The following CCNB1IP1 variants were observed in gnomAD, a reference collection of about 807,000 sequenced individuals.
The protein encoded by CCNB1IP1 is cyclin B1 interacting protein 1.
A neutral mutation model predicts 25.6 loss-of-function variants in CCNB1IP1; 14 were observed. The ratio of observed to expected loss-of-function variants is 0.55; its 90% confidence interval spans 0.36 to 0.85. The LOEUF is 0.85. CCNB1IP1 is among the 40% of genes least tolerant of loss of function. The pLI is 0.01. For missense variants in CCNB1IP1, 278 were observed against 342.4 expected (o/e 0.81, Z 1.48); for synonymous variants, 119 against 116.1 (o/e 1.02, Z -0.16).
chr14:20,314,121 A>T (rs1293928089), intron 5 of CCNB1IP1: 1 of 197,168 alleles, frequency 5.1e-6, no homozygotes, highest in Non-Finnish European at 1.0e-5. Flanking sequence ...TTTTCAAGTA[A>T]TCCAGAGCAT....
At chr14:20,332,962 C>T (rs886096903) in intron 1 of CCNB1IP1, 3 of 152,118 alleles carry the variant, frequency 2.0e-5, no homozygotes, top group African/African-American at 4.8e-5. Flanking sequence ...AAAATGAAGC[C>T]GGCGTTTTCC....
rs538720200 is a variant in CCNB1IP1, at chr14:20,324,374, A to T, written c.-38+1165T>A. Among the ~76,000 whole-genome samples the T allele has an allele frequency of 5.1e-4, 78 of 152,176 alleles. 2 individuals carry two copies. The highest frequency in any genetic ancestry group is 3.9e-3 in the Admixed American group (59 of 15,276). On this transcript the variant is annotated intron_variant, in intron 4 of 6. Coordinates refer to ENST00000358932, the MANE Select transcript of CCNB1IP1 (RefSeq NM_021178.5). Reference sequence around the variant, plus strand: ...GCTAATTTTTGTATTTTTGGTAGAAACGAGGTTTCACCATGTTAGCCAGGC... The same window carrying T: ...GCTAATTTTTGTATTTTTGGTAGAATCGAGGTTTCACCATGTTAGCCAGGC...
chr14:20,332,005 C>CATATATATATATATGATGTGTATACATAT (rs1555314504), intron 1 of CCNB1IP1, among the ~76,000 whole-genome samples: 3 of 66,564 alleles, frequency 4.5e-5, no homozygotes, highest in African/African-American at 2.5e-4. Context: ...GATGTGTATA[C>CATATATATATATATGATGTGTATACATAT]ATATATATAT....
At chr14:20,315,979 TGA>T (rs1882680584) in intron 5 of CCNB1IP1, 4 of 491,552 alleles carry the variant, frequency 8.1e-6, no homozygotes, top group African/African-American at 1.9e-5. Flanking sequence ...AGAGAGTGTG[TGA>T]GTGTGTGTGT....
rs751166136 is a variant in CCNB1IP1, at chr14:20,316,533, G to A, written c.-10C>T. 6 of 1,594,986 alleles carry A rather than the reference G, an allele frequency of 3.8e-6. No individual in the cohort carries two copies. In the African/African-American group the frequency reaches 8.0e-5, roughly 21 times the overall value. ...CTTCACACAAAGACATAATAGGATAGTGAGGTCTCCAGAAGCTGAAGAGAG... is the reference window on the plus strand; with the variant it reads ...CTTCACACAAAGACATAATAGGATAATGAGGTCTCCAGAAGCTGAAGAGAG... On this transcript the variant is annotated 5_prime_UTR_variant, in exon 5 of 7. Transcript: ENST00000358932.
intron 4 of CCNB1IP1, chr14:20,320,408 C>T (rs1460300224): frequency 6.7e-6 from 3 of 444,462 alleles, no homozygotes; most frequent in African/African-American, 2.0e-5. Context: ...TTATATTTAC[C>T]ATGCAAGGGA....
intron 4 of CCNB1IP1, chr14:20,320,153 A>C (rs1882845127): frequency 1.6e-5 from 5 of 306,132 alleles, no homozygotes; most frequent in South Asian, 1.4e-4. Flanking sequence ...GTGTACACAA[A>C]TTTATCAACT....
chr14:20,332,490 A>G (rs747060603), intron 1 of CCNB1IP1, among the ~76,000 whole-genome samples: 11 of 152,196 alleles, frequency 7.2e-5, no homozygotes, highest in Non-Finnish European at 1.0e-4. Context: ...TTTATTACAC[A>G]CCAACTAGAG....
chr14:20,312,856 T>C (rs998089622), intron 6 of CCNB1IP1, among the ~76,000 whole-genome samples: 79 of 151,632 alleles, frequency 5.2e-4, no homozygotes, highest in African/African-American at 1.7e-3. Context: ...ACATAAAACA[T>C]ATTTGCTAAA....
Position 20,313,722 on chromosome 14 carries a change from G to A in CCNB1IP1, c.377C>T (p.Thr126Ile), listed in dbSNP as rs1467326460. The A allele has an allele frequency of 1.2e-6, 2 of 1,613,682 alleles. No individual in the cohort carries two copies. The highest frequency in any genetic ancestry group is 2.7e-5 in the African/African-American group (2 of 74,888). ...GHLKQMEKIY[T>I]QQIQSKDVEL... Reference sequence around the variant, plus strand: ...TACATCCTTGCTTTGTATTTGCTGAGTATATATCTTCTCCATCTGTTTCAG... The same window carrying A: ...TACATCCTTGCTTTGTATTTGCTGAATATATATCTTCTCCATCTGTTTCAG... The change falls in exon 6 of 7, where the codon ACT (threonine) becomes ATT (isoleucine). Residue 126 changes from threonine to isoleucine, a missense_variant. Thr to Ile is a moderately conservative substitution (Grantham distance 89, BLOSUM62 -1). Coordinates refer to ENST00000358932, the MANE Select transcript of CCNB1IP1 (RefSeq NM_021178.5).
At chr14:20,321,085 C>G (rs1039244850) in intron 4 of CCNB1IP1, among the ~76,000 whole-genome samples, 1 of 150,878 alleles carries the variant, frequency 6.6e-6, no homozygotes, top group South Asian at 2.1e-4. Context: ...TGCAGTGAGC[C>G]GAGATCACAC....
At chr14:20,323,917 CAAAAAAAAAA>C (rs59156707) in intron 4 of CCNB1IP1, among the ~76,000 whole-genome samples, 14 of 73,720 alleles carry the variant, frequency 1.9e-4, no homozygotes, top group African/African-American at 7.5e-4. Flanking sequence ...GACTCCGTCT[CAAAAAAAAAA>C]AAAAAAAAAA....
chr14:20,333,031 C>G (rs1291539135), intron 1 of CCNB1IP1: 1 of 152,212 alleles, frequency 6.6e-6, no homozygotes, highest in African/African-American at 2.4e-5. Flanking sequence ...CACCAGGACT[C>G]GGAGACGGAA....
chr14:20,321,273 GTTTAT>G (rs954247282), intron 4 of CCNB1IP1, among the ~76,000 whole-genome samples: 5 of 152,270 alleles, frequency 3.3e-5, no homozygotes, highest in South Asian at 4.1e-4. Context: ...GTAACTTCCT[GTTTAT>G]TTTGATACCT....
intron 4 of CCNB1IP1, among the ~76,000 whole-genome samples, chr14:20,324,361 AT>A (rs1295275021): frequency 6.6e-6 from 1 of 151,926 alleles, no homozygotes; most frequent in Non-Finnish European, 1.5e-5. Flanking sequence ...TAATTTTTGT[AT>A]TTTTGGTAGA....
intron 4 of CCNB1IP1, chr14:20,317,550 A>G (rs1165983234): frequency 6.6e-6 from 1 of 152,258 alleles, no homozygotes; most frequent in Non-Finnish European, 1.5e-5. Context: ...TACATCCGGC[A>G]GAGTAGGGGG....
intron 4 of CCNB1IP1, among the ~76,000 whole-genome samples, chr14:20,317,122 A>T (rs906505452): frequency 1.3e-5 from 2 of 151,904 alleles, no homozygotes; most frequent in African/African-American, 2.4e-5. Flanking sequence ...ACATGTATAT[A>T]TATAGGCTGG....
At chr14:20,315,466 T>C (rs1882660688) in intron 5 of CCNB1IP1, 6 of 1,111,120 alleles carry the variant, frequency 5.4e-6, no homozygotes, top group African/African-American at 1.7e-5. Context: ...TAGAGGAGCA[T>C]GTAAGAGAAA....
intron 5 of CCNB1IP1, chr14:20,315,401 C>T (rs1882658474): frequency 1.2e-6 from 1 of 801,452 alleles, no homozygotes; most frequent in Non-Finnish European, 1.6e-6. Flanking sequence ...AACATACTCT[C>T]ACCACATAAG....
Sources: allele counts gnomAD v4.1 joint callset (sites outside exome capture counted in the v4.1 genomes callset), GRCh38; gene constraint gnomAD v4.1.1; transcripts MANE v1.5; gene names NCBI Gene and HGNC (gene_info 2026-07-23, HGNC 2026-07-21).